The following CPQ variants were observed in gnomAD, a reference collection of about 807,000 sequenced individuals.
CPQ encodes carboxypeptidase Q, also known as Ser-Met dipeptidase.
A neutral mutation model predicts 45.7 loss-of-function variants in CPQ; 37 were observed. The observed-to-expected ratio is 0.81, with a 90% CI of 0.62 to 1.07. The LOEUF is 1.07. CPQ is among the 50% of genes least tolerant of loss of function. The pLI, the probability that CPQ is intolerant of heterozygous loss-of-function variation, is 0.00. For synonymous variants in CPQ, 186 were observed against 205.8 expected (o/e 0.90, Z 0.82); for missense variants, 537 against 572.9 (o/e 0.94, Z 0.64).
intron 7 of CPQ, among the ~76,000 whole-genome samples, chr8:97,083,163 T>C (rs771648081): frequency 7.2e-5 from 11 of 152,144 alleles, no homozygotes; most frequent in Non-Finnish European, 1.6e-4. Context: ...ATTTGATAAG[T>C]GATAATGTAT....
In CPQ at chr8:97,007,821, T is replaced by A. The variant is rs779196399; in HGVS notation, c.962-21582T>A. Among the ~76,000 whole-genome samples, 14 of 152,298 alleles carry A rather than the reference T, an allele frequency of 9.2e-5. 2 individuals are homozygous for A. In the South Asian group the frequency reaches 1.9e-3, roughly 20 times the overall value. On this transcript the variant is annotated intron_variant, in intron 5 of 7. Transcript: ENST00000220763. ...TTCTTATTTGGGAACTTCAGGGGGA[T>A]GAAGTAAGGAAGTGGGCTGCAGAAC...
intron 2 of CPQ, among the ~76,000 whole-genome samples, chr8:96,820,475 C>A (rs559162324): frequency 2.6e-5 from 4 of 152,028 alleles, no homozygotes; most frequent in African/African-American, 9.6e-5. Flanking sequence ...CTTCTCCCCT[C>A]TCCCCTTCCT....
At chr8:96,938,593 A>T (rs1238931586) in intron 4 of CPQ, among the ~76,000 whole-genome samples, 1 of 152,156 alleles carries the variant, frequency 6.6e-6, no homozygotes, top group African/African-American at 2.4e-5. Context: ...GGACCCTCTA[A>T]TGGGCACTGA....
At chr8:96,968,911 G>A (rs184622511) in intron 5 of CPQ, among the ~76,000 whole-genome samples, 58 of 152,342 alleles carry the variant, frequency 3.8e-4, no homozygotes, top group African/African-American at 1.3e-3. Context: ...GCTGTTTGCT[G>A]TGAAGCGTCG....
intron 1 of CPQ, among the ~76,000 whole-genome samples, chr8:96,706,284 G>C (rs922138109): frequency 1.3e-5 from 2 of 152,062 alleles, no homozygotes; most frequent in African/African-American, 2.4e-5. Flanking sequence ...TTTTAAGCCA[G>C]GTGTATTGTT....
rs1809874556 is a variant in CPQ at position 97,030,084 on chromosome 8, G to C, written c.1053+590G>C. 2.6e-5 allele frequency among the ~76,000 whole-genome samples: 4 copies of C among 152,374 alleles called. No individual in the cohort carries two copies. The South Asian group carries it at 8.3e-4, about 32-fold the overall frequency. ...TAGAAATACAAGACCACATGGAAGA[G>C]AGGGGATAGGGAGATTAATATCAAG... is the stretch of plus-strand genomic sequence containing the variant. On this transcript the variant is annotated intron_variant, in intron 6 of 7. Transcript: ENST00000220763.
intron 4 of CPQ, among the ~76,000 whole-genome samples, chr8:96,908,108 G>A (rs1371751396): frequency 5.3e-3 from 1 of 188 alleles, no homozygotes; most frequent in African/African-American, 0.015. Flanking sequence ...CCACTGCAAC[G>A]TGTGTGTGTG....
intron 1 of CPQ, among the ~76,000 whole-genome samples, chr8:96,700,461 CTG>C (rs1809442752): frequency 6.6e-6 from 1 of 152,064 alleles, no homozygotes; most frequent in South Asian, 2.1e-4. Flanking sequence ...GGACCAGTGA[CTG>C]AGACACAAAA....
chr8:96,807,852 A>C (rs2130826989), intron 2 of CPQ, among the ~76,000 whole-genome samples: 1 of 152,304 alleles, frequency 6.6e-6, no homozygotes, highest in South Asian at 2.1e-4. Flanking sequence ...TTGAAAACAA[A>C]GTACTGTATA....
chr8:96,970,400 T>G (rs1360310355), intron 5 of CPQ, among the ~76,000 whole-genome samples: 1 of 152,194 alleles, frequency 6.6e-6, no homozygotes, highest in Non-Finnish European at 1.5e-5. Flanking sequence ...TGAGTACATA[T>G]TCTCCTTTAT....
At chr8:97,104,627 T>G (rs1312902066) in intron 7 of CPQ, among the ~76,000 whole-genome samples, 2 of 152,216 alleles carry the variant, frequency 1.3e-5, no homozygotes, top group African/African-American at 4.8e-5. Context: ...TTTGTAAACT[T>G]GAGCATGTGT....
intron 6 of CPQ, among the ~76,000 whole-genome samples, chr8:97,041,848 G>T (rs999966459): frequency 1.3e-5 from 2 of 152,214 alleles, no homozygotes; most frequent in South Asian, 2.1e-4. Context: ...CTTGATCATG[G>T]TGGATAAGCT....
At chr8:96,846,022 T>C (rs555619816) in intron 3 of CPQ, among the ~76,000 whole-genome samples, 7 of 152,298 alleles carry the variant, frequency 4.6e-5, no homozygotes, top group Non-Finnish European at 8.8e-5. Context: ...TTCTCCATGT[T>C]GGTCAGGCTG....
At chr8:97,008,742 C>T (rs1393779583) in intron 5 of CPQ, among the ~76,000 whole-genome samples, 1 of 152,174 alleles carries the variant, frequency 6.6e-6, no homozygotes, top group East Asian at 1.9e-4. Flanking sequence ...ATCCATACAA[C>T]AGGAAAAGTA....
chr8:96,999,012 T>G (rs558840156), intron 5 of CPQ, among the ~76,000 whole-genome samples: 1 of 152,098 alleles, frequency 6.6e-6, no homozygotes, highest in South Asian at 2.1e-4. Flanking sequence ...TAGACATTTT[T>G]ACAAGATTTT....
At chr8:96,917,113 GAGAC>G (rs1812743879) in intron 4 of CPQ, among the ~76,000 whole-genome samples, 3 of 152,102 alleles carry the variant, frequency 2.0e-5, no homozygotes, top group South Asian at 2.1e-4. Context: ...TGTAAGGTGA[GAGAC>G]AGACAGGTAC....
chr8:96,737,445 C>A (rs569521016), intron 1 of CPQ, among the ~76,000 whole-genome samples: 2 of 150,382 alleles, frequency 1.3e-5, no homozygotes, highest in South Asian at 4.2e-4. Context: ...GAAAGGAGAC[C>A]CTGTCCAAGT....
chr8:96,978,497 T>C (rs1813827467), intron 5 of CPQ, among the ~76,000 whole-genome samples: 2 of 152,204 alleles, frequency 1.3e-5, no homozygotes, highest in African/African-American at 4.8e-5. Context: ...GAATATACAA[T>C]TTCTGTGCAA....
intron 5 of CPQ, among the ~76,000 whole-genome samples, chr8:97,022,697 A>G (rs1307937347): frequency 6.6e-6 from 1 of 152,118 alleles, no homozygotes; most frequent in Non-Finnish European, 1.5e-5. Flanking sequence ...TTACTCCCGC[A>G]AGAATGACCA....
Sources: allele counts gnomAD v4.1 joint callset (sites outside exome capture counted in the v4.1 genomes callset), GRCh38; gene constraint gnomAD v4.1.1; transcripts MANE v1.5; gene names NCBI Gene and HGNC (gene_info 2026-07-23, HGNC 2026-07-21).